Variants in UBE2O observed in about 807,000 individuals in gnomAD.
UBE2O encodes ubiquitin conjugating enzyme E2 O.
A neutral mutation model predicts 125.8 loss-of-function variants in UBE2O; 15 were observed. The observed-to-expected ratio is 0.12, with a 90% CI of 0.08 to 0.18. The LOEUF is 0.18. UBE2O is among the 10% of genes least tolerant of loss of function. The probability of loss-of-function intolerance (pLI) is 1.00; values close to 1 mark genes in which losing one functional copy is unlikely to be tolerated. For missense variants in UBE2O, 1,280 were observed against 1,723.6 expected (o/e 0.74, Z 4.56); for synonymous variants, 708 against 703.2 (o/e 1.01, Z -0.11).
intron 1 of UBE2O, among the ~76,000 whole-genome samples, chr17:76,422,855 C>G (rs925769330): frequency 6.6e-6 from 1 of 152,236 alleles, no homozygotes; most frequent in Non-Finnish European, 1.5e-5. Context: ...GCACTGGGCA[C>G]CAGTGCACCC....
chr17:76,402,793 G>A lies in UBE2O; in HGVS notation c.589-94C>T. The A allele has an allele frequency of 1.8e-6, 2 of 1,089,680 alleles. No homozygotes were observed. Among genetic ancestry groups the A allele is most frequent in the Non-Finnish European group, 2.8e-6 (2 of 710,750 alleles). The allele number at this position is 1,089,680 out of a possible 1,614,324, so 67.5% of individuals were successfully genotyped here. On this transcript the variant is annotated intron_variant, in intron 3 of 17. Coordinates refer to ENST00000319380, the MANE Select transcript of UBE2O (RefSeq NM_022066.4). The surrounding 1 kb of genome is among the most constrained non-coding windows in gnomAD (Gnocchi z 5.4). ...CTATGCCCCACCGAAGACAGGATGGGGGAGGATCTAGACAGCTCACTGACT... is the reference window on the plus strand; with the variant it reads ...CTATGCCCCACCGAAGACAGGATGGAGGAGGATCTAGACAGCTCACTGACT...
chr17:76,420,106 C>T (rs932330155), intron 1 of UBE2O, among the ~76,000 whole-genome samples: 8 of 152,184 alleles, frequency 5.3e-5, no homozygotes, highest in South Asian at 2.1e-4. Context: ...GCCCCCTTCG[C>T]ACCACACTCC....
Position 76,402,836 on chromosome 17 carries a change from G to A in UBE2O, c.589-137C>T. 1.5e-6 allele frequency: 1 copy of A among 687,932 alleles called. No homozygotes were observed. The highest frequency in any genetic ancestry group is 2.6e-6 in the Non-Finnish European group (1 of 390,780). The allele number at this position is 687,932 out of a possible 1,614,324, so 42.6% of individuals were successfully genotyped here. A position where few individuals can be genotyped will look rare whatever the true frequency, so the allele number is the denominator to read the frequency against. Reference sequence around the variant, plus strand: ...CACTGACTGGACCGGTTGGCTACTAGCCCTAAACAGCTGCTGCAGCAGGCC... The same window carrying A: ...CACTGACTGGACCGGTTGGCTACTAACCCTAAACAGCTGCTGCAGCAGGCC... On this transcript the variant is annotated intron_variant, in intron 3 of 17. Coordinates refer to ENST00000319380, the MANE Select transcript of UBE2O (RefSeq NM_022066.4). The surrounding 1 kb of genome is among the most constrained non-coding windows in gnomAD (Gnocchi z 5.4).
rs557866756 is a variant in UBE2O, at chr17:76,429,122, G to A, written c.418-23550C>T. On this transcript the variant is annotated intron_variant, in intron 1 of 17. Transcript: ENST00000319380. ...TAACCATGTTGGCCAGGCTGGTCTC[G>A]AACTCCTGACCTCGTGATCTGCCCG... Among the ~76,000 whole-genome samples, 20 of 151,882 alleles carry A rather than the reference G, an allele frequency of 1.3e-4. No individual in the cohort carries two copies. In the South Asian group the frequency reaches 4.2e-3, roughly 32 times the overall value.
rs746874943 is a variant in UBE2O, at chr17:76,398,786, G to A, written c.1783+51C>T. On this transcript the variant is annotated intron_variant, in intron 10 of 17. Transcript: ENST00000319380. This position sits in a 1 kb window ranked among gnomAD's most constrained non-coding sequence, Gnocchi z 5.4. Reference sequence around the variant, plus strand: ...CCCATTCTCCACAAGCCCCAACCCGGGCCCTCATTGGCGACCACCCTGCTG... The same window carrying A: ...CCCATTCTCCACAAGCCCCAACCCGAGCCCTCATTGGCGACCACCCTGCTG... 1.5e-5 allele frequency: 24 copies of A among 1,596,544 alleles called. No individual in the cohort carries two copies. The highest frequency in any genetic ancestry group is 2.0e-5 in the Non-Finnish European group (23 of 1,170,722).
Position 76,391,624 on chromosome 17 carries a change from G to A in UBE2O, c.3209-11C>T, listed in dbSNP as rs757730913. On this transcript the variant is annotated splice_polypyrimidine_tract_variant and intron_variant, in intron 17 of 17. Coordinates refer to ENST00000319380, the MANE Select transcript of UBE2O (RefSeq NM_022066.4). The surrounding 1 kb of genome is among the most constrained non-coding windows in gnomAD (Gnocchi z 8.4). ...TTACCAGGATCAGACCTGTGTGGGC[G>A]GGACACCTTCCCTCAGTGGGTGAGA... is the stretch of plus-strand genomic sequence containing the variant. 2 of 1,606,660 alleles carry A rather than the reference G, an allele frequency of 1.2e-6. No homozygotes were observed. The highest frequency in any genetic ancestry group is 1.7e-5 in the Admixed American group (1 of 59,812).
Position 76,452,802 on chromosome 17 carries a change from C to A in UBE2O, c.340G>T (p.Ala114Ser). The A allele has an allele frequency of 6.6e-7, 1 of 1,521,076 alleles. No homozygotes were observed. Among genetic ancestry groups the A allele is most frequent in the Non-Finnish European group, 8.8e-7 (1 of 1,138,274 alleles). 94.2% of individuals were successfully genotyped at this position (1,521,076 alleles called of 1,614,324 possible). A position where few individuals can be genotyped will look rare whatever the true frequency, so the allele number is the denominator to read the frequency against. ...ACGTAGCCGCGGCGCAGGGGGCTGGCCCGGCCCTCCTCGTGGCCCGCGCCC... is the reference window on the plus strand; with the variant it reads ...ACGTAGCCGCGGCGCAGGGGGCTGGACCGGCCCTCCTCGTGGCCCGCGCCC... ...AGGAGHEEGRASPLRRGYVRV... is the reference protein window; with the variant it reads ...AGGAGHEEGRSSPLRRGYVRV... Residue 114 changes from alanine to serine, a missense_variant, in exon 1 of 18, where the codon GCC becomes TCC. This residue lies in a region of UBE2O where 188 missense variants were observed against 192.5 expected (regional missense o/e 0.98). Transcript: ENST00000319380. This position sits in a 1 kb window ranked among gnomAD's most constrained non-coding sequence, Gnocchi z 4.4.
In UBE2O at chr17:76,445,733, GT is replaced by G. The variant is rs756315357; in HGVS notation, c.417+6991del. ...GTAGATAAATCCAGAGAGTTATCCA[GT>G]AACACAATTCAATTTTATTCTCAAC... On this transcript the variant is annotated intron_variant, in intron 1 of 17. Transcript: ENST00000319380. 5.1e-4 allele frequency among the ~76,000 whole-genome samples: 78 copies of G among 152,340 alleles called. 1 individual carries two copies. The highest frequency in any genetic ancestry group is 9.6e-4 in the Non-Finnish European group (65 of 68,024).
Position 76,395,996 on chromosome 17 carries a change from G to A in UBE2O, c.2809+132C>T. The A allele has an allele frequency of 6.7e-7, 1 of 1,500,640 alleles. No homozygotes were observed. The highest frequency in any genetic ancestry group is 9.1e-7 in the Non-Finnish European group (1 of 1,100,080). 93.0% of individuals were successfully genotyped at this position (1,500,640 alleles called of 1,614,324 possible). A position where few individuals can be genotyped will look rare whatever the true frequency, so the allele number is the denominator to read the frequency against. On this transcript the variant is annotated intron_variant, in intron 14 of 17. Transcript: ENST00000319380. This position sits in a 1 kb window ranked among gnomAD's most constrained non-coding sequence, Gnocchi z 5.0. Reference sequence around the variant, plus strand: ...TGGCCTCAGCACTGTGACCACACAGGGAAATGGTTTGCCCTGGGGCAGTAG... The same window carrying A: ...TGGCCTCAGCACTGTGACCACACAGAGAAATGGTTTGCCCTGGGGCAGTAG...
chr17:76,424,758 C>T (rs1452025282), intron 1 of UBE2O, among the ~76,000 whole-genome samples: 1 of 151,380 alleles, frequency 6.6e-6, no homozygotes, highest in African/African-American at 2.4e-5. Flanking sequence ...TTTGAGGTTA[C>T]AATGAGCTAT....
At chr17:76,401,968 GCT>G (rs879153841) in intron 5 of UBE2O, 94 bp downstream of exon 5, 4 of 1,268,812 alleles carry the variant, frequency 3.2e-6, no homozygotes, top group Middle Eastern at 2.1e-4. Context: ...CTAGGAAACC[GCT>G]CTGTTTAGCT....
At position 76,405,711 on chromosome 17, in the gene UBE2O, C is replaced by T; in HGVS notation, c.418-139G>A. The stretch of plus-strand genomic sequence containing the variant: ...CTAAGCGTTTGGCTAGCAGTATCTT[C>T]ACAGACCGCACACACCTCCGACCAG... On this transcript the variant is annotated intron_variant, in intron 1 of 17. Transcript: ENST00000319380. The surrounding 1 kb of genome is among the most constrained non-coding windows in gnomAD (Gnocchi z 6.1). 1 of 746,210 alleles carries T rather than the reference C, an allele frequency of 1.3e-6. No homozygotes were observed. The highest frequency in any genetic ancestry group is 2.2e-6 in the Non-Finnish European group (1 of 450,518). 46.2% of individuals were successfully genotyped at this position (746,210 alleles called of 1,614,324 possible).
In UBE2O at chr17:76,452,798, C is replaced by T. The variant is rs765943714; in HGVS notation, c.344G>A (p.Ser115Asn). The change falls in exon 1 of 18, where the codon AGC becomes AAC. Residue 115 changes from serine to asparagine, a missense_variant. Around this residue, in one of 10 missense-constraint regions of UBE2O, gnomAD observed 188 missense variants for 192.5 expected, o/e 0.98. Transcript: ENST00000319380. This position sits in a 1 kb window ranked among gnomAD's most constrained non-coding sequence, Gnocchi z 4.4. ...GCGCACGTAGCCGCGGCGCAGGGGG[C>T]TGGCCCGGCCCTCCTCGTGGCCCGC... is the stretch of plus-strand genomic sequence containing the variant. ...GGAGHEEGRA[S>N]PLRRGYVRVQ... The T allele has an allele frequency of 6.6e-7, 1 of 1,521,280 alleles. No homozygotes were observed. 94.2% of individuals were successfully genotyped at this position (1,521,280 alleles called of 1,614,324 possible).
chr17:76,418,553 T>C (rs376705308), intron 1 of UBE2O, among the ~76,000 whole-genome samples: 3 of 151,544 alleles, frequency 2.0e-5, no homozygotes, highest in African/African-American at 7.3e-5. Flanking sequence ...CACAGGTCCC[T>C]TGGAAGGAGG....
At chr17:76,393,892 T>C (rs915278762) in intron 15 of UBE2O, among the ~76,000 whole-genome samples, 4 of 152,228 alleles carry the variant, frequency 2.6e-5, no homozygotes, top group African/African-American at 9.6e-5. Context: ...CCTCTGCACA[T>C]GCTCTTATCG....
chr17:76,443,440 C>T (rs2073106361), intron 1 of UBE2O, among the ~76,000 whole-genome samples: 1 of 152,156 alleles, frequency 6.6e-6, no homozygotes, highest in Non-Finnish European at 1.5e-5. Flanking sequence ...AGGCACCCAC[C>T]ACCACGCATG....
At chr17:76,427,563 C>T (rs1167692166) in intron 1 of UBE2O, among the ~76,000 whole-genome samples, 1 of 152,078 alleles carries the variant, frequency 6.6e-6, no homozygotes, top group South Asian at 2.1e-4. Flanking sequence ...CTGTGGGCAT[C>T]CTAGGATTCC....
chr17:76,444,245 A>G (rs2073120358), intron 1 of UBE2O, among the ~76,000 whole-genome samples: 1 of 151,698 alleles, frequency 6.6e-6, no homozygotes, highest in Admixed American at 6.6e-5. Context: ...ACAAAACAAA[A>G]CAAAACAAAG....
At chr17:76,420,006 AT>A (rs1442448781) in intron 1 of UBE2O, among the ~76,000 whole-genome samples, 4 of 152,146 alleles carry the variant, frequency 2.6e-5, no homozygotes, top group African/African-American at 9.7e-5. Flanking sequence ...GCACAGAAGC[AT>A]GACATAACCT....
Sources: allele counts gnomAD v4.1 joint callset (sites outside exome capture counted in the v4.1 genomes callset), GRCh38; gene constraint gnomAD v4.1.1; regional missense constraint gnomAD v4.1.1; non-coding constraint Gnocchi (gnomAD v3.1); transcripts MANE v1.5; gene names NCBI Gene and HGNC (gene_info 2026-07-23, HGNC 2026-07-21).